The following SORCS2 variants were observed in gnomAD, a reference collection of about 807,000 sequenced individuals.
SORCS2 encodes the protein sortilin related VPS10 domain containing receptor 2.
A neutral mutation model predicts 141.6 loss-of-function variants in SORCS2; 100 were observed. The ratio of observed to expected loss-of-function variants is 0.71; its 90% confidence interval spans 0.60 to 0.83. The LOEUF (loss-of-function observed/expected upper bound fraction) is 0.83, where lower values mean the gene tolerates loss of function less well. SORCS2 is among the 40% of genes least tolerant of loss of function. The pLI, the probability that SORCS2 is intolerant of heterozygous loss-of-function variation, is 0.00. For missense variants in SORCS2, 1,646 were observed against 1,560.2 expected (o/e 1.05, Z -0.93); for synonymous variants, 789 against 676.9 (o/e 1.17, Z -2.57).
chr4:7,244,625 C>T (rs1467688621), intron 1 of SORCS2, among the ~76,000 whole-genome samples: 1 of 152,166 alleles, frequency 6.6e-6, no homozygotes, highest in African/African-American at 2.4e-5. Context: ...ACTGAGGGCC[C>T]CCTGGAATCC....
intron 1 of SORCS2, among the ~76,000 whole-genome samples, chr4:7,309,422 G>A (rs950099466): frequency 3.3e-5 from 5 of 152,136 alleles, no homozygotes; most frequent in East Asian, 1.9e-4. Flanking sequence ...GTGTGAGAAC[G>A]CTGAGGCCTT....
At chr4:7,723,341 C>T (rs1377245374) in intron 18 of SORCS2, among the ~76,000 whole-genome samples, 2 of 152,172 alleles carry the variant, frequency 1.3e-5, no homozygotes, top group East Asian at 3.9e-4. Flanking sequence ...CTTCCTGGCT[C>T]CATCCCTAGC....
At chr4:7,326,392 G>A (rs1237270506) in intron 1 of SORCS2, among the ~76,000 whole-genome samples, 6 of 152,154 alleles carry the variant, frequency 3.9e-5, no homozygotes, top group Non-Finnish European at 7.4e-5. Flanking sequence ...CCTCTTGGTT[G>A]TGAGACTGCA....
intron 3 of SORCS2, among the ~76,000 whole-genome samples, chr4:7,543,662 AC>A (rs1712914809): frequency 7.4e-6 from 1 of 135,682 alleles, no homozygotes; most frequent in African/African-American, 2.9e-5. Flanking sequence ...CCATCCACCC[AC>A]CCATCCATCC....
At chr4:7,731,502 T>A (rs1441102773) in intron 23 of SORCS2, among the ~76,000 whole-genome samples, 1 of 151,996 alleles carries the variant, frequency 6.6e-6, no homozygotes, top group African/African-American at 2.4e-5. Context: ...AGGCCTGAAA[T>A]AGCCAAAGCC....
At chr4:7,380,935 A>G (rs140617464) in intron 1 of SORCS2, among the ~76,000 whole-genome samples, 1,891 of 152,266 alleles carry the variant, frequency 0.012, 43 homozygotes, top group African/African-American at 0.043. Context: ...TACAAAAATT[A>G]GCTGGGTGTG....
intron 2 of SORCS2, among the ~76,000 whole-genome samples, chr4:7,494,731 C>A (rs560427234): frequency 6.6e-6 from 1 of 152,348 alleles, no homozygotes; most frequent in East Asian, 1.9e-4. Flanking sequence ...GGACATCAGT[C>A]CCTGCCTGAT....
rs1003112523 is a variant in SORCS2, at chr4:7,704,394, C to G, written c.1868+110C>G. 9 of 949,152 alleles carry G rather than the reference C, an allele frequency of 9.5e-6. No homozygotes were observed. The African/African-American group carries it at 9.8e-5, about 10-fold the overall frequency. 58.8% of individuals were successfully genotyped at this position (949,152 alleles called of 1,614,324 possible). A position where few individuals can be genotyped will look rare whatever the true frequency, so the allele number is the denominator to read the frequency against. Reference sequence around the variant, plus strand: ...CCAGCCACCTGGGAATCAGGGACATCTGCCACCTGCCCCAGGTCCCCTTGC... The same window carrying G: ...CCAGCCACCTGGGAATCAGGGACATGTGCCACCTGCCCCAGGTCCCCTTGC... On this transcript the variant is annotated intron_variant, in intron 14 of 26. Transcript: ENST00000507866.
At chr4:7,575,359 T>G (rs1348809012) in intron 3 of SORCS2, among the ~76,000 whole-genome samples, 1 of 152,246 alleles carries the variant, frequency 6.6e-6, no homozygotes, top group Non-Finnish European at 1.5e-5. Context: ...AAATAATTAA[T>G]GTGAAAATTT....
At chr4:7,357,646 A>C (rs1213979888) in intron 1 of SORCS2, among the ~76,000 whole-genome samples, 1 of 152,212 alleles carries the variant, frequency 6.6e-6, no homozygotes, top group Non-Finnish European at 1.5e-5. Flanking sequence ...AGATAATACA[A>C]GCTCTACTGG....
In SORCS2 at chr4:7,356,502, GGAGA is replaced by G. The variant is rs146158185; in HGVS notation, c.481-39771_481-39768del. ...AGCATGGAGAGAGATGGAGAGAGAT[GGAGA>G]GAGAGAGAGAGAGATCAATCTCTTC... On this transcript the variant is annotated intron_variant, in intron 1 of 26. Transcript: ENST00000507866. Among the ~76,000 whole-genome samples the G allele has an allele frequency of 4.6e-3, 696 of 150,088 alleles. 9 individuals are homozygous for G. The highest frequency in any genetic ancestry group is 0.016 in the African/African-American group (663 of 40,256).
At position 7,606,775 on chromosome 4, in the gene SORCS2, G is replaced by A. The variant is rs114869889; in HGVS notation, c.649-31553G>A. Among the ~76,000 whole-genome samples, 533 of 152,182 alleles carry A rather than the reference G, an allele frequency of 3.5e-3. 4 individuals are homozygous for A. The highest frequency in any genetic ancestry group is 0.012 in the African/African-American group (514 of 41,524). On this transcript the variant is annotated intron_variant, in intron 3 of 26. Transcript: ENST00000507866. ...CTTCAAGCAGAGGAGGGTGGGTGAC[G>A]ATGCCATCAGGAAGCAAGGGCAGAG...
chr4:7,672,313 T>C (rs1338005556), intron 8 of SORCS2, among the ~76,000 whole-genome samples: 3 of 152,146 alleles, frequency 2.0e-5, no homozygotes, highest in African/African-American at 7.2e-5. Flanking sequence ...ATACAAGCAA[T>C]AATCAATATG....
At chr4:7,654,766 G>A (rs971434312) in intron 5 of SORCS2, among the ~76,000 whole-genome samples, 1 of 152,200 alleles carries the variant, frequency 6.6e-6, no homozygotes, top group African/African-American at 2.4e-5. Flanking sequence ...CCAATGAGCA[G>A]GATAAGTTTG....
At chr4:7,493,862 G>A (rs1344687690) in intron 2 of SORCS2, among the ~76,000 whole-genome samples, 4 of 152,200 alleles carry the variant, frequency 2.6e-5, no homozygotes, top group African/African-American at 9.6e-5. Flanking sequence ...GCATTGTGTG[G>A]ATATTAAATG....
intron 10 of SORCS2, among the ~76,000 whole-genome samples, chr4:7,687,387 A>T (rs1202467647): frequency 2.0e-5 from 3 of 152,186 alleles, no homozygotes; most frequent in Non-Finnish European, 4.4e-5. Context: ...GGTGCCAGCA[A>T]GTCTATTCAC....
chr4:7,218,670 A>G (rs922852564), intron 1 of SORCS2, among the ~76,000 whole-genome samples: 1 of 152,190 alleles, frequency 6.6e-6, no homozygotes, highest in Non-Finnish European at 1.5e-5. Flanking sequence ...TTGATTCCAG[A>G]CTACATGTGT....
intron 1 of SORCS2, among the ~76,000 whole-genome samples, chr4:7,260,496 T>G (rs568088367): frequency 6.6e-6 from 1 of 152,378 alleles, no homozygotes; most frequent in African/African-American, 2.4e-5. Flanking sequence ...CTTTACTGAC[T>G]CTGGGCCAGT....
intron 3 of SORCS2, among the ~76,000 whole-genome samples, chr4:7,546,860 C>A (rs954331271): frequency 6.6e-6 from 1 of 152,228 alleles, no homozygotes; most frequent in Non-Finnish European, 1.5e-5. Flanking sequence ...AGAAAACTGA[C>A]AAATCACTTT....
Sources: allele counts gnomAD v4.1 joint callset (sites outside exome capture counted in the v4.1 genomes callset), GRCh38; gene constraint gnomAD v4.1.1; transcripts MANE v1.5; gene names NCBI Gene and HGNC (gene_info 2026-07-23, HGNC 2026-07-21).